Variants in SMIM13 observed in about 807,000 individuals in gnomAD.
The protein encoded by SMIM13 is UPF0766 protein C6orf228.
In SMIM13, 3 loss-of-function variants were observed where a neutral mutation model predicts 5.9. The observed-to-expected ratio is 0.51, with a 90% CI of 0.23 to 1.31. SMIM13 has a LOEUF of 1.31. Ranked by LOEUF, SMIM13 falls within the 40% of genes most tolerant of loss-of-function variation. The pLI is 0.18. For synonymous variants in SMIM13, 55 were observed against 46.0 expected (o/e 1.19, Z -0.79); for missense variants, 85 against 109.9 (o/e 0.77, Z 1.01).
In SMIM13 at chr6:11,117,510, C is replaced by T. The variant is rs111931114; in HGVS notation, c.77-16893C>T. On this transcript the variant is annotated intron_variant, in intron 1 of 1. Coordinates refer to ENST00000416247, the MANE Select transcript of SMIM13 (RefSeq NM_001135575.2). ...AGTTGTTTGTAAGTATTGATTTTGA[C>T]GTTTAAATTTTTATTCAATTCAAGA... Among the ~76,000 whole-genome samples the T allele has an allele frequency of 2.7e-3, 408 of 151,720 alleles. 2 individuals carry two copies. Among genetic ancestry groups the T allele is most frequent in the African/African-American group, 9.5e-3 (394 of 41,426 alleles).
rs1026423463 is a variant in SMIM13, at chr6:11,138,164, G to A, written c.*3562G>A. On this transcript the variant is annotated 3_prime_UTR_variant, in exon 2 of 2. Transcript: ENST00000416247. ...AGATTTTGACTGGTAAACTTAAAGT[G>A]CTTTTTATATTTGAGGTTGACTTTA... 1 of 152,102 alleles carries A rather than the reference G, an allele frequency of 6.6e-6. No homozygotes were observed. The highest frequency in any genetic ancestry group is 6.6e-5 in the Admixed American group (1 of 15,254). The allele number at this position is 152,102 out of a possible 1,614,324, so 9.4% of individuals were successfully genotyped here. A position where few individuals can be genotyped will look rare whatever the true frequency, so the allele number is the denominator to read the frequency against.
Position 11,137,891 on chromosome 6 carries a change from A to G in SMIM13, c.*3289A>G, listed in dbSNP as rs9380113. ...TGCGGTGGACAGCCACTTCACAGAC[A>G]TGCAGACCCATTTCTTTAGAGATAT... is the stretch of plus-strand genomic sequence containing the variant. On this transcript the variant is annotated 3_prime_UTR_variant, in exon 2 of 2. Coordinates refer to ENST00000416247, the MANE Select transcript of SMIM13 (RefSeq NM_001135575.2). The G allele has an allele frequency of 4.3e-4, 66 of 152,332 alleles. No individual in the cohort carries two copies. In the East Asian group the frequency reaches 0.01, roughly 23 times the overall value. The allele number at this position is 152,332 out of a possible 1,614,324, so 9.4% of individuals were successfully genotyped here.
At chr6:11,118,353 C>T (rs905662765) in intron 1 of SMIM13, among the ~76,000 whole-genome samples, 3 of 152,196 alleles carry the variant, frequency 2.0e-5, no homozygotes, top group Non-Finnish European at 4.4e-5. Context: ...TAGGACTCTT[C>T]AGAGCAGACA....
chr6:11,094,522 T>G, intron 1 of SMIM13, 133 bp downstream of exon 1: 70 of 669,592 alleles, frequency 1.0e-4, no homozygotes, highest in Non-Finnish European at 1.4e-4. Context: ...TCAACTGTTG[T>G]CCCTTAGCCT....
intron 1 of SMIM13, among the ~76,000 whole-genome samples, chr6:11,128,605 G>A (rs1250388324): frequency 1.3e-5 from 2 of 152,146 alleles, no homozygotes; most frequent in Admixed American, 1.3e-4. Flanking sequence ...ACTTGTCTAG[G>A]AATTTTAGTC....
At chr6:11,125,616 A>AAACAAC (rs546616701) in intron 1 of SMIM13, among the ~76,000 whole-genome samples, 1 of 152,078 alleles carries the variant, frequency 6.6e-6, no homozygotes, top group Non-Finnish European at 1.5e-5. Flanking sequence ...ACAAAAGACA[A>AAACAAC]AACAACAACA....
Position 11,094,223 on chromosome 6 carries a change from C to A in SMIM13, c.-91C>A. On this transcript the variant is annotated 5_prime_UTR_variant, in exon 1 of 2. Transcript: ENST00000416247. ...CGCCCCGGCGCCCAGCCGCGCCTGG[C>A]GCCCGCCGCTGAAGCGCAGGACGCG... 3.3e-6 allele frequency: 2 copies of A among 599,672 alleles called. No homozygotes were observed. Among genetic ancestry groups the A allele is most frequent in the South Asian group, 7.1e-5 (1 of 14,042 alleles). 37.1% of individuals were successfully genotyped at this position (599,672 alleles called of 1,614,324 possible).
chr6:11,104,519 G>C, intron 1 of SMIM13: 1 of 1,567,424 alleles, frequency 6.4e-7, no homozygotes, highest in Non-Finnish European at 8.7e-7. Flanking sequence ...CCAGGTAGCT[G>C]GTGGCTATAG....
At chr6:11,128,496 G>T (rs1226789614) in intron 1 of SMIM13, among the ~76,000 whole-genome samples, 1 of 152,164 alleles carries the variant, frequency 6.6e-6, no homozygotes, top group East Asian at 1.9e-4. Context: ...TTGAGGAGGG[G>T]TAATGCAAGC....
rs996870825 is a variant in SMIM13 at position 11,100,190 on chromosome 6, A to C, written c.76+5801A>C. Among the ~76,000 whole-genome samples, 5 of 152,134 alleles carry C rather than the reference A, an allele frequency of 3.3e-5. No homozygotes were observed. The East Asian group carries it at 9.7e-4, about 29-fold the overall frequency. On this transcript the variant is annotated intron_variant, in intron 1 of 1. Transcript: ENST00000416247. Reference sequence around the variant, plus strand: ...ATTCTCCTGCCTCAGCCTCCCGAGTAGCTGGGACTACAGGTGCCTGCCACC... The same window carrying C: ...ATTCTCCTGCCTCAGCCTCCCGAGTCGCTGGGACTACAGGTGCCTGCCACC...
chr6:11,103,243 G>A (rs1407553011), intron 1 of SMIM13: 1 of 164,418 alleles, frequency 6.1e-6, no homozygotes, highest in African/African-American at 2.4e-5. Flanking sequence ...CAACTCCTGA[G>A]ATCTTATCAG....
chr6:11,126,033 A>G (rs1008495314), intron 1 of SMIM13, among the ~76,000 whole-genome samples: 2 of 151,728 alleles, frequency 1.3e-5, no homozygotes, highest in African/African-American at 4.8e-5. Flanking sequence ...GTCTCCTCTG[A>G]CTGCATATTT....
chr6:11,130,407 C>T (rs577244755), intron 1 of SMIM13, among the ~76,000 whole-genome samples: 2 of 152,242 alleles, frequency 1.3e-5, no homozygotes, highest in African/African-American at 2.4e-5. Context: ...TCCCCCAGCC[C>T]TCACACAGCC....
At chr6:11,102,336 A>C (rs1758005674) in intron 1 of SMIM13, among the ~76,000 whole-genome samples, 1 of 152,206 alleles carries the variant, frequency 6.6e-6, no homozygotes, top group Non-Finnish European at 1.5e-5. Flanking sequence ...AGATTAATAC[A>C]GTTTTATTTA....
chr6:11,100,244 TG>T (rs1347480298), intron 1 of SMIM13, among the ~76,000 whole-genome samples: 1 of 152,048 alleles, frequency 6.6e-6, no homozygotes, highest in East Asian at 1.9e-4. Context: ...GTACTTTTAG[TG>T]GAGATGAGGT....
intron 1 of SMIM13, among the ~76,000 whole-genome samples, chr6:11,118,383 A>C (rs1286655084): frequency 6.6e-6 from 1 of 152,200 alleles, no homozygotes; most frequent in Non-Finnish European, 1.5e-5. Flanking sequence ...GTAATGAATC[A>C]ATTGGTCAAA....
chr6:11,098,003 T>TG (rs1757946916), intron 1 of SMIM13, among the ~76,000 whole-genome samples: 1 of 151,486 alleles, frequency 6.6e-6, no homozygotes. Context: ...AATACAAACA[T>TG]GGAGTTCAGA....
chr6:11,130,239 TACA>T (rs1758434608), intron 1 of SMIM13, among the ~76,000 whole-genome samples: 1 of 138,496 alleles, frequency 7.2e-6, no homozygotes, highest in African/African-American at 2.8e-5. Flanking sequence ...AACCTATCAT[TACA>T]GTAGTCATTG....
chr6:11,133,600 A>G (rs1040051157), intron 1 of SMIM13, among the ~76,000 whole-genome samples: 2 of 152,170 alleles, frequency 1.3e-5, no homozygotes, highest in Non-Finnish European at 2.9e-5. Flanking sequence ...AAGTTAGTTA[A>G]TTTTATGCTC....
Sources: allele counts gnomAD v4.1 joint callset (sites outside exome capture counted in the v4.1 genomes callset), GRCh38; gene constraint gnomAD v4.1.1; transcripts MANE v1.5; gene names NCBI Gene and HGNC (gene_info 2026-07-23, HGNC 2026-07-21).